Variants in CLIP4 observed in about 807,000 individuals in gnomAD.
CLIP4 encodes the protein CAP-Gly domain containing linker protein family member 4, also known as CAP-Gly domain-containing linker protein 4.
CLIP4 carries 47 observed loss-of-function variants against 73.1 expected under a neutral mutation model. The observed-to-expected ratio is 0.64, with a 90% CI of 0.51 to 0.82. CLIP4 has a LOEUF of 0.82. Ranked by LOEUF, CLIP4 falls within the 40% of genes least tolerant of loss-of-function variation. The pLI is 0.00. For missense variants in CLIP4, 874 were observed against 852.9 expected, an observed-to-expected ratio of 1.02 and a Z score of -0.31; for synonymous variants, 306 against 295.4, an observed-to-expected ratio of 1.04 and a Z score of -0.37.
chr2:29,116,641 AGTTG>A (rs953179156), intron 1 of CLIP4, among the ~76,000 whole-genome samples: 9 of 152,202 alleles, frequency 5.9e-5, no homozygotes, highest in Non-Finnish European at 1.5e-5. Flanking sequence ...GCTGGAGTCT[AGTTG>A]GTCTGCGTTT....
intron 13 of CLIP4, among the ~76,000 whole-genome samples, chr2:29,167,043 T>A (rs1315044362): frequency 6.6e-6 from 1 of 152,216 alleles, no homozygotes; most frequent in African/African-American, 2.4e-5. Flanking sequence ...TTGAATTGTA[T>A]TAGCCATATA....
chr2:29,107,367 T>G (rs967707818), intron 1 of CLIP4, among the ~76,000 whole-genome samples: 1,344 of 111,206 alleles, frequency 0.012, 53 homozygotes, highest in African/African-American at 0.047. Context: ...AGTTTTTTTT[T>G]TTTTTTTTTT....
intron 6 of CLIP4, among the ~76,000 whole-genome samples, chr2:29,140,967 T>C (rs1665724122): frequency 6.6e-6 from 1 of 152,200 alleles, no homozygotes; most frequent in Non-Finnish European, 1.5e-5. Context: ...ATACAGGCGT[T>C]TTGTACTTTA....
In CLIP4 at chr2:29,181,658, A is replaced by G. The variant is rs1668652268; in HGVS notation, c.1883A>G (p.Gln628Arg). The part of the protein sequence containing the change: ...EGSVKLHEGS[Q>R]VLLTSSNEMG... ...AGCGTGAAGCTGCACGAGGGGTCTC[A>G]GGTCCTGCTCACGAGCTCCAATGAG... Residue 628 changes from glutamine (Q) to arginine (R), a missense_variant, in exon 16 of 16, where the codon CAG (glutamine) becomes CGG (arginine). By Grantham distance (43) the Gln-to-Arg change is conservative (BLOSUM62 1). Transcript: ENST00000320081. 2 of 1,614,042 alleles carry G rather than the reference A, an allele frequency of 1.2e-6. No homozygotes were observed. Among genetic ancestry groups the G allele is most frequent in the Non-Finnish European group, 1.7e-6 (2 of 1,180,014 alleles).
chr2:29,110,314 A>T (rs753899708), intron 1 of CLIP4, among the ~76,000 whole-genome samples: 2 of 152,220 alleles, frequency 1.3e-5, no homozygotes, highest in Non-Finnish European at 2.9e-5. Flanking sequence ...AGAGGAGGGC[A>T]AGCCCAGGTA....
intron 8 of CLIP4, 68 bp downstream of exon 8, chr2:29,145,435 T>A: frequency 7.5e-7 from 1 of 1,341,768 alleles, no homozygotes; most frequent in Non-Finnish European, 1.0e-6. Flanking sequence ...CTTTTACAGT[T>A]GTTAAATAAA....
chr2:29,163,209 A>G (rs1232446596), intron 12 of CLIP4, among the ~76,000 whole-genome samples: 1 of 152,122 alleles, frequency 6.6e-6, no homozygotes, highest in African/African-American at 2.4e-5. Context: ...TTTAAATACA[A>G]AAAGTCTTTA....
chr2:29,122,144 T>G (rs936242038), intron 2 of CLIP4, among the ~76,000 whole-genome samples: 5 of 152,262 alleles, frequency 3.3e-5, no homozygotes, highest in Admixed American at 2.0e-4. Context: ...AATTTTTACA[T>G]ATTAGTAGAT....
At chr2:29,175,281 G>C (rs1668259759) in intron 15 of CLIP4, 1 of 152,206 alleles carries the variant, frequency 6.6e-6, no homozygotes, top group South Asian at 2.1e-4. Context: ...AGGACTGTTA[G>C]GTACTGTTGA....
At chr2:29,174,745 G>T in intron 15 of CLIP4, 1 of 898,740 alleles carries the variant, frequency 1.1e-6, no homozygotes. Context: ...AGGGTGGATT[G>T]CTTTTAAACT....
chr2:29,179,693 T>C (rs951083426), intron 15 of CLIP4, among the ~76,000 whole-genome samples: 1 of 152,240 alleles, frequency 6.6e-6, no homozygotes, highest in African/African-American at 2.4e-5. Flanking sequence ...AAAATTACAG[T>C]AATTTTGTCA....
In CLIP4 at chr2:29,121,506, A is replaced by G. The variant is rs754193512; in HGVS notation, c.118A>G (p.Met40Val). Reference sequence around the variant, plus strand: ...TATCTTTTCCATTTCTGCAGCACCAATGCCTTCAGACTGTGGTATGTGAAG... The same window carrying G: ...TATCTTTTCCATTTCTGCAGCACCAGTGCCTTCAGACTGTGGTATGTGAAG... ...PVIFSISAAP[M>V]PSDCEFSFFD... The change falls in exon 2 of 16, where the codon ATG (methionine) becomes GTG (valine). Residue 40 changes from methionine to valine, a missense_variant. Physicochemically the swap from Met to Val is conservative, Grantham distance 21. Transcript: ENST00000320081. The G allele has an allele frequency of 2.0e-5, 33 of 1,613,480 alleles. No individual in the cohort carries two copies. The highest frequency in any genetic ancestry group is 6.7e-5 in the African/African-American group (5 of 74,908).
At chr2:29,120,090 T>G (rs1462604360) in intron 1 of CLIP4, among the ~76,000 whole-genome samples, 1 of 152,198 alleles carries the variant, frequency 6.6e-6, no homozygotes, top group East Asian at 1.9e-4. Flanking sequence ...ACTAATTCCA[T>G]GAACTTGTCA....
At chr2:29,107,050 CTG>C (rs1396868235) in intron 1 of CLIP4, among the ~76,000 whole-genome samples, 17 of 152,178 alleles carry the variant, frequency 1.1e-4, no homozygotes, top group Non-Finnish European at 1.5e-5. Flanking sequence ...GCTAATTAGT[CTG>C]TCAGTGGCTT....
chr2:29,151,094 T>C (rs1252784174), intron 8 of CLIP4, among the ~76,000 whole-genome samples: 1 of 152,206 alleles, frequency 6.6e-6, no homozygotes, highest in Admixed American at 6.5e-5. Flanking sequence ...TATACAACCT[T>C]TTCCTCCTAT....
Position 29,177,402 on chromosome 2 carries a change from C to T in CLIP4, c.1796+2957C>T, listed in dbSNP as rs568991968. On this transcript the variant is annotated intron_variant, in intron 15 of 15. Coordinates refer to ENST00000320081, the MANE Select transcript of CLIP4 (RefSeq NM_024692.6). ...CTATCCTGGCAACAGAGTAAGACTC[C>T]GTCTCAAAAAAAAAAAAAAAATACA... Among the ~76,000 whole-genome samples, 241 of 78,444 alleles carry T rather than the reference C, an allele frequency of 3.1e-3. 3 individuals carry two copies. The highest frequency in any genetic ancestry group is 9.5e-3 in the African/African-American group (221 of 23,164). The allele number at this position is 78,444 out of a possible 152,430, so 51.5% of individuals were successfully genotyped here. A position where few individuals can be genotyped will look rare whatever the true frequency, so the allele number is the denominator to read the frequency against.
intron 6 of CLIP4, among the ~76,000 whole-genome samples, chr2:29,136,912 A>G (rs1420560454): frequency 6.6e-6 from 1 of 152,050 alleles, no homozygotes; most frequent in East Asian, 1.9e-4. Context: ...AATTTAGGCC[A>G]GAAGCAGATT....
intron 1 of CLIP4, among the ~76,000 whole-genome samples, chr2:29,105,927 A>C (rs1668190916): frequency 6.6e-6 from 1 of 152,186 alleles, no homozygotes; most frequent in African/African-American, 2.4e-5. Flanking sequence ...CACTTTGTCT[A>C]TGGCATTCCA....
At chr2:29,173,658 C>A (rs1340018164) in intron 14 of CLIP4, among the ~76,000 whole-genome samples, 1 of 152,130 alleles carries the variant, frequency 6.6e-6, no homozygotes, top group Non-Finnish European at 1.5e-5. Context: ...TAGTTTTAAA[C>A]TAAAATTGTG....
Sources: allele counts gnomAD v4.1 joint callset (sites outside exome capture counted in the v4.1 genomes callset), GRCh38; gene constraint gnomAD v4.1.1; transcripts MANE v1.5; gene names NCBI Gene and HGNC (gene_info 2026-07-23, HGNC 2026-07-21).